DNAJB11: variants seen among roughly 807,000 people sequenced by gnomAD.
The protein encoded by DNAJB11 is dnaJ homolog subfamily B member 11.
A neutral mutation model predicts 47.2 loss-of-function variants in DNAJB11; 30 were observed. The ratio of observed to expected loss-of-function variants is 0.64; its 90% CI spans 0.48 to 0.86. The LOEUF (loss-of-function observed/expected upper bound fraction) is 0.86, where lower values mean the gene tolerates loss of function less well. Among genes scored for constraint, DNAJB11 ranks in the 40% least tolerant of loss-of-function variants. The probability of loss-of-function intolerance (pLI) is 0.00; values close to 1 mark genes in which losing one functional copy is unlikely to be tolerated. For missense variants in DNAJB11, 357 were observed against 440.2 expected, an observed-to-expected ratio of 0.81 and a Z score of 1.69; for synonymous variants, 151 against 159.9, an observed-to-expected ratio of 0.94 and a Z score of 0.42.
intron 2 of DNAJB11, 87 bp from the exon 3 acceptor site, chr3:186,575,753 C>A: frequency 2.9e-6 from 3 of 1,040,038 alleles, no homozygotes; most frequent in South Asian, 2.9e-5. Context: ...GACCCACTGT[C>A]AAAGTAAAAA....
intron 4 of DNAJB11, chr3:186,581,118 T>C: frequency 2.5e-6 from 1 of 398,854 alleles, no homozygotes; most frequent in South Asian, 4.4e-5. Context: ...TTTTCGGTTC[T>C]CTTGTTTCTT....
chr3:186,582,609 C>T, intron 6 of DNAJB11, 107 bp from the exon 7 acceptor site: 6 of 858,758 alleles, frequency 7.0e-6, no homozygotes, highest in Non-Finnish European at 1.1e-5. Flanking sequence ...ACAGATTTGA[C>T]AGGTCAATGC....
At position 186,585,539 on chromosome 3, in the gene DNAJB11, C is replaced by A. The variant is rs972480232; in HGVS notation, c.*131C>A. 12 of 557,716 alleles carry A rather than the reference C, an allele frequency of 2.2e-5. No homozygotes were observed. Among genetic ancestry groups the A allele is most frequent in the Non-Finnish European group, 3.4e-5 (11 of 324,718 alleles). The allele number at this position is 557,716 out of a possible 1,614,324, so 34.5% of individuals were successfully genotyped here. A position where few individuals can be genotyped will look rare whatever the true frequency, so the allele number is the denominator to read the frequency against. ...AGGCTTAATTTTTTTATCTAATGAT[C>A]ATCATGAAATGAATAAGAGGGCTTA... On this transcript the variant is annotated 3_prime_UTR_variant, in exon 10 of 10. Coordinates refer to ENST00000265028, the MANE Select transcript of DNAJB11 (RefSeq NM_016306.6).
At chr3:186,571,032 T>TGG in intron 1 of DNAJB11, 67 bp downstream of exon 1, 1 of 202,008 alleles carries the variant, frequency 5.0e-6, no homozygotes, top group East Asian at 1.2e-4. Context: ...TGGGAGGGGG[T>TGG]GGGGGAAGTG....
At chr3:186,577,629 T>A (rs763958575) in intron 3 of DNAJB11, 39 bp from the exon 4 acceptor site, 1 of 631,288 alleles carries the variant, frequency 1.6e-6, no homozygotes, top group Non-Finnish European at 2.0e-6. Flanking sequence ...AGAGTCTTGA[T>A]TTTTTTTTTT....
chr3:186,570,754 A>C lies in DNAJB11; in HGVS notation c.-144A>C. On this transcript the variant is annotated 5_prime_UTR_variant, in exon 1 of 10. Coordinates refer to ENST00000265028, the MANE Select transcript of DNAJB11 (RefSeq NM_016306.6). ...AAGTGGACCGGCAGAAGAGGGGGCT[A>C]GCTAGCTGTCTCTGCGGACCAAGGA... is the stretch of plus-strand genomic sequence containing the variant. 5.6e-6 allele frequency: 4 copies of C among 709,444 alleles called. No individual in the cohort carries two copies. The highest frequency in any genetic ancestry group is 9.6e-6 in the Non-Finnish European group (4 of 414,690). 43.9% of individuals were successfully genotyped at this position (709,444 alleles called of 1,614,324 possible). A position where few individuals can be genotyped will look rare whatever the true frequency, so the allele number is the denominator to read the frequency against.
intron 9 of DNAJB11, among the ~76,000 whole-genome samples, 197 bp downstream of exon 9, chr3:186,584,786 CA>C (rs766998732): frequency 5.3e-5 from 8 of 152,064 alleles, no homozygotes; most frequent in Non-Finnish European, 7.4e-5. Flanking sequence ...CTTTGTGTTA[CA>C]AAAGTCTATG....
In DNAJB11 at chr3:186,570,917, G is replaced by C. The variant is rs1210007457; in HGVS notation, c.20G>C (p.Ser7Thr). MAPQNLSTFCLLLLYLI... is the reference protein window; with the variant it reads MAPQNLTTFCLLLLYLI... ...GGAACCATGGCTCCGCAGAACCTGA[G>C]CACCTTTTGCCTGTTGCTGCTATAC... is the stretch of plus-strand genomic sequence containing the variant. The change falls in exon 1 of 10, where the codon AGC becomes ACC. Residue 7 changes from serine (S) to threonine (T), a missense_variant. By Grantham distance (58) the Ser-to-Thr change is moderately conservative (BLOSUM62 1). Transcript: ENST00000265028. 2.5e-6 allele frequency: 4 copies of C among 1,601,494 alleles called. No homozygotes were observed. In the Admixed American group the frequency reaches 6.8e-5, roughly 27 times the overall value.
chr3:186,571,206 C>G (rs931947621), intron 1 of DNAJB11, among the ~76,000 whole-genome samples: 1 of 152,012 alleles, frequency 6.6e-6, no homozygotes, highest in African/African-American at 2.4e-5. Flanking sequence ...GCTAGATTTG[C>G]CCAGAGGAGT....
chr3:186,577,544 C>A, intron 3 of DNAJB11, 124 bp from the exon 4 acceptor site: 7 of 847,118 alleles, frequency 8.3e-6, no homozygotes, highest in South Asian at 2.1e-5. Flanking sequence ...TAAAAAATAC[C>A]TTGTAGTTTT....
At chr3:186,575,366 CGCGT>C (rs1354767581) in intron 2 of DNAJB11, among the ~76,000 whole-genome samples, 29 of 101,204 alleles carry the variant, frequency 2.9e-4, no homozygotes, top group East Asian at 7.5e-4. Context: ...CGCGCGCGCG[CGCGT>C]GTGTGTGTGT....
chr3:186,574,131 T>C (rs1259196438), intron 2 of DNAJB11, among the ~76,000 whole-genome samples: 1 of 152,270 alleles, frequency 6.6e-6, no homozygotes, highest in Non-Finnish European at 1.5e-5. Flanking sequence ...AGAGCTAGGA[T>C]CACTGCTGGC....
intron 3 of DNAJB11, among the ~76,000 whole-genome samples, chr3:186,576,390 T>C (rs1182416271): frequency 6.6e-6 from 1 of 152,168 alleles, no homozygotes; most frequent in East Asian, 1.9e-4. Flanking sequence ...TAGAGGACCT[T>C]TATCTCTTGC....
intron 2 of DNAJB11, 42 bp from the exon 3 acceptor site, chr3:186,575,798 T>TA: frequency 6.7e-7 from 1 of 1,495,600 alleles, no homozygotes; most frequent in Non-Finnish European, 9.3e-7. Context: ...AACTGGATAT[T>TA]ACCAACTCAT....
intron 9 of DNAJB11, among the ~76,000 whole-genome samples, chr3:186,585,073 C>T (rs947549318): frequency 2.0e-5 from 3 of 152,112 alleles, no homozygotes; most frequent in African/African-American, 7.2e-5. Flanking sequence ...TTTTCTTTCC[C>T]TTTTGATTGC....
At chr3:186,571,024 GGAGGGGGT>G in intron 1 of DNAJB11, 59 bp downstream of exon 1, 1 of 1,062,594 alleles carries the variant, frequency 9.4e-7, no homozygotes, top group South Asian at 1.5e-5. Flanking sequence ...CTGGGGGGTG[GGAGGGGGT>G]GGGGGAAGTG....
intron 6 of DNAJB11, among the ~76,000 whole-genome samples, chr3:186,582,474 C>G (rs1715518255): frequency 6.6e-6 from 1 of 152,160 alleles, no homozygotes; most frequent in Non-Finnish European, 1.5e-5. Context: ...GACTTAGGTT[C>G]AGGAGACCAG....
At chr3:186,573,435 A>G (rs1478727999) in intron 2 of DNAJB11, among the ~76,000 whole-genome samples, 1 of 151,944 alleles carries the variant, frequency 6.6e-6, no homozygotes, top group Non-Finnish European at 1.5e-5. Context: ...GCCAAGCTGG[A>G]GTAGAGTGGC....
chr3:186,583,748 T>C (rs1715566067), intron 7 of DNAJB11, 117 bp from the exon 8 acceptor site: 4 of 716,572 alleles, frequency 5.6e-6, no homozygotes, highest in Non-Finnish European at 9.7e-6. Context: ...CACAAAAGTA[T>C]GTCTAAGAAA....
Sources: gnomAD v4.1 joint callset for allele counts (sites outside exome capture counted in the v4.1 genomes callset) on GRCh38, gnomAD v4.1.1 for gene constraint, MANE v1.5 for transcripts, NCBI Gene and HGNC (gene_info 2026-07-23, HGNC 2026-07-21) for gene names.